The following FBXO27 variants were observed in gnomAD, a reference collection of about 807,000 sequenced individuals.
FBXO27 encodes the protein F-box only protein 27.
Under a neutral mutation model 28.3 loss-of-function variants are expected in FBXO27, and 28 were observed. That is an observed-to-expected ratio of 0.99 (90% CI 0.73 to 1.36). The LOEUF (loss-of-function observed/expected upper bound fraction) is 1.36, where lower values mean the gene tolerates loss of function less well. Among genes scored for constraint, FBXO27 ranks in the 40% most tolerant of loss-of-function variants. The pLI, the probability that FBXO27 is intolerant of heterozygous loss-of-function variation, is 0.00. For synonymous variants in FBXO27, 175 were observed against 167.3 expected (o/e 1.05, Z -0.36); for missense variants, 388 against 394.1 (o/e 0.98, Z 0.13).
rs1325436525 is a variant in FBXO27, at chr19:39,031,018, G to A, written c.572+11C>T. ...TGCTTAGCAAGGGGCTATTTTAATC[G>A]TCACACTCACCAGTCAGAGACACAA... is the stretch of plus-strand genomic sequence containing the variant. On this transcript the variant is annotated intron_variant, in intron 4 of 5. Coordinates refer to ENST00000292853, the MANE Select transcript of FBXO27 (RefSeq NM_178820.5). 1.1e-5 allele frequency: 17 copies of A among 1,611,218 alleles called. No homozygotes were observed. The highest frequency in any genetic ancestry group is 1.4e-5 in the Non-Finnish European group (17 of 1,177,704).
chr19:39,025,734 C>T (rs550884028), intron 5 of FBXO27, among the ~76,000 whole-genome samples, 180 bp from the exon 6 acceptor site: 2 of 152,144 alleles, frequency 1.3e-5, no homozygotes, highest in East Asian at 1.9e-4. Flanking sequence ...AGAATCTGGT[C>T]GGGTGCGGTA....
downstream of FBXO27, among the ~76,000 whole-genome samples, chr19:39,019,589 T>A (rs551675626): frequency 6.6e-6 from 1 of 151,004 alleles, no homozygotes; most frequent in East Asian, 2.0e-4. Context: ...CAGCAAAGGA[T>A]GGTTTGATAA....
Position 39,011,964 on chromosome 19 carries a change from G to T in FBXO27, c.252+2423C>A, listed in dbSNP as rs182008055. ...CTGCCTCAGCCTCCCGAGTAGCTGG[G>T]ACTACAGGTGCCCGCCACCATGACC... On this transcript the variant is annotated intron_variant, in intron 2 of 2. Transcript: ENST00000598394. 2.8e-4 allele frequency among the ~76,000 whole-genome samples: 42 copies of T among 151,270 alleles called. No individual in the cohort carries two copies. The Middle Eastern group carries it at 0.01, about 37-fold the overall frequency.
At position 39,032,106 on chromosome 19, in the gene FBXO27, A is replaced by G. The variant is rs867416088; in HGVS notation, c.122T>C (p.Val41Ala). The change falls in exon 2 of 6, where the codon GTC becomes GCC. Residue 41 changes from valine (V) to alanine (A), a missense_variant. Transcript: ENST00000292853. This position sits in a 1 kb window ranked among gnomAD's most constrained non-coding sequence, Gnocchi z 4.7. ...GCGCCCGAGCAGCGTGCGCGGGGGGACGTGGCTCAGCACCACCAGAAGCAG... is the reference window on the plus strand; with the variant it reads ...GCGCCCGAGCAGCGTGCGCGGGGGGGCGTGGCTCAGCACCACCAGAAGCAG... ...PELLLVVLSH[V>A]PPRTLLGRCR... is the part of the protein sequence containing the mutation. 1.3e-6 allele frequency: 2 copies of G among 1,531,252 alleles called. No homozygotes were observed. The highest frequency in any genetic ancestry group is 8.7e-7 in the Non-Finnish European group (1 of 1,146,580). The allele number at this position is 1,531,252 out of a possible 1,614,324, so 94.9% of individuals were successfully genotyped here. A position where few individuals can be genotyped will look rare whatever the true frequency, so the allele number is the denominator to read the frequency against.
At chr19:39,008,476 AT>A (rs1251220472) in intron 2 of FBXO27, among the ~76,000 whole-genome samples, 1 of 151,986 alleles carries the variant, frequency 6.6e-6, no homozygotes, top group Non-Finnish European at 1.5e-5. Context: ...ATAACTTTAG[AT>A]TTTTTTCCAT....
At position 39,024,153 on chromosome 19, in the gene FBXO27, C is replaced by A. The variant is rs1236127005; in HGVS notation, c.*1258G>T. 1 of 151,992 alleles carries A rather than the reference C, an allele frequency of 6.6e-6. No individual in the cohort carries two copies. Among genetic ancestry groups the A allele is most frequent in the Non-Finnish European group, 1.5e-5 (1 of 68,014 alleles). The allele number at this position is 151,992 out of a possible 1,614,324, so 9.4% of individuals were successfully genotyped here. A position where few individuals can be genotyped will look rare whatever the true frequency, so the allele number is the denominator to read the frequency against. On this transcript the variant is annotated 3_prime_UTR_variant, in exon 6 of 6. Transcript: ENST00000292853. ...TTTTAAATACCACACAATTACAGGT[C>A]CTTGAGGATCAGGGTTGGGCTCAGG...
At chr19:39,022,874 G>A (rs141025862), downstream of FBXO27, among the ~76,000 whole-genome samples, 2,753 of 149,834 alleles carry the variant, frequency 0.018, 136 homozygotes, top group Admixed American at 0.12. Context: ...CTTGGCTTAC[G>A]GCAACCTCTG....
chr19:39,015,504 G>A (rs1371975001), intron 1 of FBXO27, among the ~76,000 whole-genome samples: 1 of 151,864 alleles, frequency 6.6e-6, no homozygotes, highest in Non-Finnish European at 1.5e-5. Flanking sequence ...GCATGCGCCT[G>A]TAGTCCCGGC....
intron 1 of FBXO27, among the ~76,000 whole-genome samples, chr19:39,015,378 C>T (rs2072815131): frequency 6.8e-6 from 1 of 147,162 alleles, no homozygotes; most frequent in South Asian, 2.1e-4. Flanking sequence ...TGCCTGTAAT[C>T]CCAGCACTTT....
chr19:39,016,211 C>T (rs1033310232), intron 1 of FBXO27, among the ~76,000 whole-genome samples: 1 of 152,082 alleles, frequency 6.6e-6, no homozygotes, highest in Non-Finnish European at 1.5e-5. Context: ...AGATACATGT[C>T]GTTACACATT....
chr19:39,022,690 C>A (rs2072851242), downstream of FBXO27, among the ~76,000 whole-genome samples: 3 of 152,156 alleles, frequency 2.0e-5, no homozygotes, highest in Non-Finnish European at 1.5e-5. Context: ...GATCTTGGAT[C>A]ACTGCAACCT....
chr19:39,027,240 A>G (rs2144900123), intron 4 of FBXO27, among the ~76,000 whole-genome samples: 1 of 152,256 alleles, frequency 6.6e-6, no homozygotes, highest in Admixed American at 6.6e-5. Flanking sequence ...AGCCACACTC[A>G]TATAAATAGT....
chr19:39,019,765 T>A (rs2072836896), downstream of FBXO27, among the ~76,000 whole-genome samples: 1 of 151,940 alleles, frequency 6.6e-6, no homozygotes. Context: ...TGTTTGTTTG[T>A]TTTTGAGACA....
chr19:39,031,253 G>A lies in FBXO27; in HGVS notation c.432C>T (p.Thr144=), dbSNP rs774131738. 22 of 1,614,012 alleles carry A rather than the reference G, an allele frequency of 1.4e-5. No individual in the cohort carries two copies. In the East Asian group the frequency reaches 3.6e-4, roughly 26 times the overall value. Residue 144 remains threonine (T), a synonymous_variant, in exon 3 of 6, where the codon ACC becomes ACT. Transcript: ENST00000292853. ...ACGTCTGAGAAGGGGCCCCAGGCAC[G>A]GTTGTCCTGTTTTCCTCCACCACCC... ...DGWVVEENRT[T]VPGAPSQTCF... is the part of the protein sequence containing the mutation.
Position 39,031,955 on chromosome 19 carries a change from A to C in FBXO27, c.273T>G (p.Ser91=). 6.6e-7 allele frequency: 1 copy of C among 1,518,578 alleles called. No homozygotes were observed. The highest frequency in any genetic ancestry group is 8.7e-7 in the Non-Finnish European group (1 of 1,144,712). 94.1% of individuals were successfully genotyped at this position (1,518,578 alleles called of 1,614,324 possible). A position where few individuals can be genotyped will look rare whatever the true frequency, so the allele number is the denominator to read the frequency against. ...GGCAAGGCCTGGCGTTACGGGCGGG[A>C]GACTGGCAGCTGCGGGCGAGGTGCA... ...ALLHLARSCQ[S]PARNARPCPL... The change falls in exon 2 of 6, where the codon TCT becomes TCG. Residue 91 remains serine (S), a synonymous_variant. Coordinates refer to ENST00000292853, the MANE Select transcript of FBXO27 (RefSeq NM_178820.5).
chr19:39,011,699 A>T (rs201790659), intron 2 of FBXO27, among the ~76,000 whole-genome samples: 1 of 8,036 alleles, frequency 1.2e-4, no homozygotes, highest in Non-Finnish European at 3.5e-4. Context: ...GCGGCGGGGG[A>T]GGGGGGGTCT....
rs548036559 is a variant in FBXO27, at chr19:39,015,360, G to C, written c.92-813C>G. ...AAAAAAAAAAAAAAGGCTGAGTGTG[G>C]TGGCTCATGCCTGTAATCCCAGCAC... On this transcript the variant is annotated intron_variant, in intron 1 of 2. Coordinates refer to the FBXO27 transcript ENST00000598394. Among the ~76,000 whole-genome samples the C allele has an allele frequency of 4.7e-5, 7 of 148,098 alleles. No individual in the cohort carries two copies. In the East Asian group the frequency reaches 1.4e-3, roughly 29 times the overall value.
chr19:39,029,042 T>TA (rs1249127334), intron 4 of FBXO27, among the ~76,000 whole-genome samples: 6,451 of 91,780 alleles, frequency 0.07, 497 homozygotes, highest in African/African-American at 0.19. Flanking sequence ...ACTCTGTCTC[T>TA]AAAAAAAAAA....
intron 1 of FBXO27, among the ~76,000 whole-genome samples, chr19:39,015,637 G>C (rs78548161): frequency 0.088 from 13,346 of 152,076 alleles, 775 homozygotes; most frequent in Non-Finnish European, 0.12. Flanking sequence ...GTCTCTAAAA[G>C]TGATCTATCA....
Sources: allele counts gnomAD v4.1 joint callset (sites outside exome capture counted in the v4.1 genomes callset), GRCh38; gene constraint gnomAD v4.1.1; non-coding constraint Gnocchi (gnomAD v3.1); transcripts MANE v1.5; gene names NCBI Gene and HGNC (gene_info 2026-07-23, HGNC 2026-07-21).